The following PCDH11Y variants were observed in gnomAD, a reference collection of about 807,000 sequenced individuals.
PCDH11Y encodes the protein protocadherin-11 Y-linked.
For synonymous variants in PCDH11Y, 9 were observed against 83.6 expected, an observed-to-expected ratio of 0.11 and a Z score of 4.87; for missense variants, 12 against 224.8, an observed-to-expected ratio of 0.05 and a Z score of 6.05.
chrY:5,410,560 A>G, intron 2 of PCDH11Y, among the ~76,000 whole-genome samples: 1 of 32,392 alleles, frequency 3.1e-5, no homozygotes, highest in Non-Finnish European at 7.5e-5. Context: ...AGGTTTTGGT[A>G]TTCATGTGCA....
chrY:5,706,715 A>C, intron 4 of PCDH11Y, among the ~76,000 whole-genome samples: 2 of 31,606 alleles, frequency 6.3e-5, no homozygotes, highest in Admixed American at 5.9e-4. Flanking sequence ...ATTTCGATAT[A>C]CTGTAATTTT....
intron 2 of PCDH11Y, among the ~76,000 whole-genome samples, chrY:5,372,161 A>T: frequency 3.1e-5 from 1 of 32,704 alleles, no homozygotes; most frequent in Non-Finnish European, 7.5e-5. Flanking sequence ...ATGAAGATAC[A>T]ACCTGACAAA....
intron 4 of PCDH11Y, among the ~76,000 whole-genome samples, chrY:5,708,250 AGAGG>A (rs2053584251): frequency 6.0e-5 from 2 of 33,463 alleles, no homozygotes; most frequent in African/African-American, 2.3e-4. Context: ...AAAAAATGCT[AGAGG>A]GTGTACTTGA....
chrY:5,489,941 T>G, intron 2 of PCDH11Y, among the ~76,000 whole-genome samples: 1 of 32,275 alleles, frequency 3.1e-5, no homozygotes, highest in Non-Finnish European at 7.5e-5. Flanking sequence ...TCTAAAATTG[T>G]TCTAATTAGG....
chrY:5,108,642 G>GA (rs2052798924), downstream of PCDH11Y, among the ~76,000 whole-genome samples: 1 of 28,926 alleles, frequency 3.5e-5, no homozygotes, highest in Non-Finnish European at 8.1e-5. Flanking sequence ...AGCTACTCGG[G>GA]AGGCTGAGGC....
chrY:5,139,459 T>C, intron 2 of PCDH11Y, among the ~76,000 whole-genome samples: 3 of 31,542 alleles, frequency 9.5e-5, no homozygotes, highest in African/African-American at 3.7e-4. Context: ...CTGTCGCTGT[T>C]CACTGATGAT....
At chrY:5,358,660 C>T in intron 2 of PCDH11Y, among the ~76,000 whole-genome samples, 1 of 32,340 alleles carries the variant, frequency 3.1e-5, no homozygotes, top group Non-Finnish European at 7.5e-5. Flanking sequence ...TAGCGTTTCA[C>T]GGAATGCACA....
At chrY:5,534,360 C>A in intron 3 of PCDH11Y, among the ~76,000 whole-genome samples, 1 of 33,631 alleles carries the variant, frequency 3.0e-5, no homozygotes, top group African/African-American at 1.2e-4. Flanking sequence ...TATTTTGTCA[C>A]CCAAGTAAAA....
chrY:5,653,349 A>C, intron 4 of PCDH11Y, among the ~76,000 whole-genome samples: 3 of 32,944 alleles, frequency 9.1e-5, no homozygotes, highest in African/African-American at 2.4e-4. Context: ...ATCGCAAATA[A>C]GTTAAAAACC....
chrY:5,336,427 C>T (rs1277802566), intron 2 of PCDH11Y, among the ~76,000 whole-genome samples: 1 of 30,143 alleles, frequency 3.3e-5, no homozygotes, highest in African/African-American at 1.3e-4. Flanking sequence ...CCTGCCACCT[C>T]GCCCGGCTAA....
chrY:5,604,167 C>A (rs2053476981), intron 4 of PCDH11Y, among the ~76,000 whole-genome samples: 1 of 32,506 alleles, frequency 3.1e-5, no homozygotes, highest in Non-Finnish European at 7.6e-5. Context: ...TAAGCAGACT[C>A]TTGTTAAGCT....
At chrY:5,332,506 A>G in intron 2 of PCDH11Y, among the ~76,000 whole-genome samples, 4 of 34,339 alleles carry the variant, frequency 1.2e-4, no homozygotes, top group Admixed American at 1.1e-3. Flanking sequence ...TATAAACAAT[A>G]TGAACTGATA....
At chrY:5,009,275 A>T in intron 1 of PCDH11Y, among the ~76,000 whole-genome samples, 2 of 33,543 alleles carry the variant, frequency 6.0e-5, no homozygotes, top group Non-Finnish European at 1.5e-4. Flanking sequence ...ACTCAGATCT[A>T]GAAAATACTG....
intron 2 of PCDH11Y, among the ~76,000 whole-genome samples, chrY:5,328,421 G>A: frequency 3.0e-5 from 1 of 33,024 alleles, no homozygotes; most frequent in East Asian, 8.2e-4. Flanking sequence ...CCTGTTGTGG[G>A]GTTTGAGGGC....
chrY:5,021,218 C>G, intron 1 of PCDH11Y, among the ~76,000 whole-genome samples: 1 of 33,053 alleles, frequency 3.0e-5, no homozygotes, highest in African/African-American at 1.2e-4. Context: ...GGAGTTTCAA[C>G]TGATACCTCA....
intron 1 of PCDH11Y, among the ~76,000 whole-genome samples, chrY:5,021,158 C>T: frequency 3.0e-5 from 1 of 33,273 alleles, no homozygotes; most frequent in South Asian, 6.8e-4. Flanking sequence ...TTGCCAGGTT[C>T]ACATAGTAGG....
intron 1 of PCDH11Y, among the ~76,000 whole-genome samples, chrY:5,003,733 T>C: frequency 5.9e-5 from 2 of 33,724 alleles, no homozygotes; most frequent in Non-Finnish European, 1.5e-4. Context: ...CTTGCTCTTA[T>C]AGTCCTAAGG....
At chrY:5,134,707 G>T in intron 2 of PCDH11Y, among the ~76,000 whole-genome samples, 3 of 32,874 alleles carry the variant, frequency 9.1e-5, no homozygotes, top group Admixed American at 8.5e-4. Context: ...TGGTCATGAT[G>T]ATTGGTCTTT....
At chrY:5,326,970 T>C in intron 2 of PCDH11Y, among the ~76,000 whole-genome samples, 1 of 33,155 alleles carries the variant, frequency 3.0e-5, no homozygotes, top group African/African-American at 1.2e-4. Context: ...GTAAGAATTC[T>C]GACTGCACTA....
Sources: gnomAD v4.1 joint callset for allele counts (sites outside exome capture counted in the v4.1 genomes callset) on GRCh38, gnomAD v4.1.1 for gene constraint, MANE v1.5 for transcripts, NCBI Gene and HGNC (gene_info 2026-07-23, HGNC 2026-07-21) for gene names.